Variants in FRMD3 observed in about 807,000 individuals in gnomAD.
FRMD3 encodes the protein FERM domain containing 3.
Under a neutral mutation model 70.2 loss-of-function variants are expected in FRMD3, and 33 were observed. That is an observed-to-expected ratio of 0.47 (90% CI 0.36 to 0.63). The LOEUF is 0.63. FRMD3 is among the 20% of genes least tolerant of loss of function. FRMD3 has a pLI of 0.00. For synonymous variants in FRMD3, 279 were observed against 255.9 expected, an observed-to-expected ratio of 1.09 and a Z score of -0.86; for missense variants, 632 against 711.4, an observed-to-expected ratio of 0.89 and a Z score of 1.27.
intron 13 of FRMD3, among the ~76,000 whole-genome samples, chr9:83,275,358 C>T (rs1833761795): frequency 6.6e-6 from 1 of 152,178 alleles, no homozygotes; most frequent in South Asian, 2.1e-4. Flanking sequence ...CTCCTTCCAC[C>T]TGTGCTTACA....
chr9:83,335,735 G>T, intron 5 of FRMD3, 96 bp from the exon 6 acceptor site: 1 of 1,089,924 alleles, frequency 9.2e-7, no homozygotes, highest in East Asian at 2.6e-5. Flanking sequence ...CAAAAGAAGA[G>T]GCTGGAATAA....
chr9:83,452,575 G>C (rs777517193), intron 1 of FRMD3, among the ~76,000 whole-genome samples: 1 of 146,614 alleles, frequency 6.8e-6, no homozygotes, highest in Admixed American at 6.8e-5. Flanking sequence ...ACCGCCTCCC[G>C]GGTTCACGCC....
At chr9:83,554,903 C>A in the FRMD3 span, among the ~76,000 whole-genome samples, 2 of 152,104 alleles carry the variant, frequency 1.3e-5, no homozygotes, top group Non-Finnish European at 2.9e-5. Flanking sequence ...CCATTCCAGT[C>A]CCCAGCCACC....
At chr9:83,392,927 A>G (rs1275491983) in intron 1 of FRMD3, among the ~76,000 whole-genome samples, 1 of 152,254 alleles carries the variant, frequency 6.6e-6, no homozygotes, top group Non-Finnish European at 1.5e-5. Context: ...AGAAAAAAAA[A>G]TCAAGCAGCT....
intron 6 of FRMD3, among the ~76,000 whole-genome samples, chr9:83,328,654 A>AG (rs1836120061): frequency 6.6e-6 from 1 of 152,210 alleles, no homozygotes; most frequent in South Asian, 2.1e-4. Context: ...ATGAGGTCAT[A>AG]GGGGAGTGTG....
chr9:83,393,949 G>GTTTTT (rs372574147), intron 1 of FRMD3, among the ~76,000 whole-genome samples: 4 of 146,446 alleles, frequency 2.7e-5, no homozygotes, highest in African/African-American at 1.0e-4. Flanking sequence ...TGTTGTTGTT[G>GTTTTT]TTTTTTTTTA....
chr9:83,331,982 T>C (rs928693035), intron 6 of FRMD3: 10 of 686,628 alleles, frequency 1.5e-5, no homozygotes, highest in South Asian at 3.2e-5. Context: ...AGGGCTCTTT[T>C]CCTTGTGGCT....
chr9:83,550,098 C>A, the FRMD3 span, among the ~76,000 whole-genome samples: 4 of 152,062 alleles, frequency 2.6e-5, no homozygotes, highest in African/African-American at 4.8e-5. Context: ...ACATTTAAGT[C>A]TTTATTTTAT....
chr9:83,551,712 T>C, the FRMD3 span, among the ~76,000 whole-genome samples: 2 of 152,184 alleles, frequency 1.3e-5, no homozygotes, highest in African/African-American at 4.8e-5. Context: ...GGAAAGTGTA[T>C]GTGTCCAGGA....
chr9:83,299,091 A>G, intron 11 of FRMD3, 21 bp downstream of exon 11: 1 of 1,559,770 alleles, frequency 6.4e-7, no homozygotes, highest in South Asian at 1.1e-5. Context: ...CCCTCACTGA[A>G]ATGGAACCAT....
At chr9:83,526,333 T>C (rs1490581209) in intron 1 of FRMD3, among the ~76,000 whole-genome samples, 1 of 152,204 alleles carries the variant, frequency 6.6e-6, no homozygotes, top group Non-Finnish European at 1.5e-5. Context: ...ACCAGGACTG[T>C]CTCTCCTGGA....
intron 2 of FRMD3, among the ~76,000 whole-genome samples, chr9:83,383,279 A>G (rs942279134): frequency 1.3e-5 from 2 of 152,134 alleles, no homozygotes; most frequent in Non-Finnish European, 1.5e-5. Context: ...CTGAGCCACA[A>G]AATGCTGTGA....
chr9:83,362,168 CT>C (rs1824607111), intron 3 of FRMD3, among the ~76,000 whole-genome samples: 1 of 125,122 alleles, frequency 8.0e-6, no homozygotes, highest in Admixed American at 8.7e-5. Flanking sequence ...AAAATCGATG[CT>C]GTTGGTTCTC....
intron 1 of FRMD3, among the ~76,000 whole-genome samples, chr9:83,431,674 G>T (rs1826981364): frequency 6.6e-6 from 1 of 152,136 alleles, no homozygotes; most frequent in Non-Finnish European, 1.5e-5. Context: ...AGTGTCACTT[G>T]TCCTTCTCTT....
chr9:83,303,753 C>T (rs1835010948), intron 10 of FRMD3, among the ~76,000 whole-genome samples: 1 of 152,194 alleles, frequency 6.6e-6, no homozygotes, highest in African/African-American at 2.4e-5. Flanking sequence ...AGATTGTACA[C>T]TTTGGTGGGT....
intron 13 of FRMD3, among the ~76,000 whole-genome samples, chr9:83,277,351 A>T (rs1833826066): frequency 6.6e-6 from 1 of 152,036 alleles, no homozygotes; most frequent in Admixed American, 6.6e-5. Context: ...TATTTTCCAA[A>T]TTTTCTACAA....
chr9:83,581,965 G>A, the FRMD3 span, among the ~76,000 whole-genome samples: 2 of 152,182 alleles, frequency 1.3e-5, no homozygotes, highest in East Asian at 1.9e-4. Flanking sequence ...TGATGGCAGC[G>A]ATGCTTGCGT....
intron 10 of FRMD3, among the ~76,000 whole-genome samples, chr9:83,305,392 G>A (rs1356982817): frequency 6.6e-6 from 1 of 152,200 alleles, no homozygotes. Flanking sequence ...GCACAGCAAG[G>A]CAGGTAATTC....
At chr9:83,373,784 C>A (rs1014302951) in intron 2 of FRMD3, among the ~76,000 whole-genome samples, 1 of 152,126 alleles carries the variant, frequency 6.6e-6, no homozygotes, top group African/African-American at 2.4e-5. Context: ...TCCTGGGGTA[C>A]CCATCCTGAG....
Sources: allele counts gnomAD v4.1 joint callset (sites outside exome capture counted in the v4.1 genomes callset), GRCh38; gene constraint gnomAD v4.1.1; transcripts MANE v1.5; gene names NCBI Gene and HGNC (gene_info 2026-07-23, HGNC 2026-07-21).